MARCHF1: variants seen among roughly 807,000 people sequenced by gnomAD.
The protein encoded by MARCHF1 is E3 ubiquitin-protein ligase MARCHF1.
In MARCHF1, 40 loss-of-function variants were observed where a neutral mutation model predicts 54.2. That is an observed-to-expected ratio of 0.74 (90% confidence interval 0.57 to 0.96). The LOEUF is 0.96. MARCHF1 is among the 40% of genes least tolerant of loss of function. MARCHF1 has a pLI of 0.00. For synonymous variants in MARCHF1, 236 were observed against 236.3 expected, an observed-to-expected ratio of 1.00 and a Z score of 0.01; for missense variants, 586 against 656.5, an observed-to-expected ratio of 0.89 and a Z score of 1.17.
At chr4:163,935,472 C>G (rs573017793) in intron 3 of MARCHF1, among the ~76,000 whole-genome samples, 39 of 152,316 alleles carry the variant, frequency 2.6e-4, no homozygotes, top group African/African-American at 9.4e-4. Context: ...TCACCTTGCT[C>G]TTTATGTTAT....
At chr4:164,021,632 A>T (rs1293311087) in intron 2 of MARCHF1, among the ~76,000 whole-genome samples, 1 of 151,960 alleles carries the variant, frequency 6.6e-6, no homozygotes, top group African/African-American at 2.4e-5. Context: ...TTACATTTAT[A>T]TTTGAAAATA....
At chr4:164,345,604 AT>A (rs1730070848) in intron 1 of MARCHF1, among the ~76,000 whole-genome samples, 1 of 135,162 alleles carries the variant, frequency 7.4e-6, no homozygotes, top group Non-Finnish European at 1.5e-5. Flanking sequence ...AATAATAATA[AT>A]AATAATAATA....
At chr4:164,233,531 T>C (rs557874826) in intron 1 of MARCHF1, among the ~76,000 whole-genome samples, 1 of 152,272 alleles carries the variant, frequency 6.6e-6, no homozygotes, top group South Asian at 2.1e-4. Flanking sequence ...TTACCTCTCA[T>C]GACATACCAT....
At chr4:163,635,929 G>T (rs1047963723) in intron 5 of MARCHF1, among the ~76,000 whole-genome samples, 2 of 152,306 alleles carry the variant, frequency 1.3e-5, no homozygotes, top group South Asian at 2.1e-4. Context: ...GGGATGCAAG[G>T]TTGGTTCAAT....
At chr4:163,585,454 C>T (rs147392840) in intron 8 of MARCHF1, 2 of 190,062 alleles carry the variant, frequency 1.1e-5, no homozygotes, top group African/African-American at 4.6e-5. Flanking sequence ...ATTACAAGTG[C>T]ATTTTGCATG....
At chr4:163,572,177 G>A (rs1739861026) in intron 8 of MARCHF1, among the ~76,000 whole-genome samples, 1 of 151,870 alleles carries the variant, frequency 6.6e-6, no homozygotes, top group South Asian at 2.1e-4. Flanking sequence ...TTTCTTTATC[G>A]CTTAGGTCTT....
chr4:163,969,222 T>A (rs574610115), intron 3 of MARCHF1, among the ~76,000 whole-genome samples: 87 of 152,294 alleles, frequency 5.7e-4, no homozygotes, highest in African/African-American at 2.1e-3. Flanking sequence ...GCTGGTAAAC[T>A]CTATTTGCAT....
chr4:164,295,678 C>G (rs989870870), intron 1 of MARCHF1, among the ~76,000 whole-genome samples: 1 of 152,086 alleles, frequency 6.6e-6, no homozygotes, highest in African/African-American at 2.4e-5. Context: ...CTTTCTTTGC[C>G]TCTCAATTCT....
intron 5 of MARCHF1, among the ~76,000 whole-genome samples, chr4:163,645,681 CA>C (rs1474639106): frequency 6.6e-6 from 1 of 152,062 alleles, no homozygotes; most frequent in African/African-American, 2.4e-5. Context: ...CTGAAGAATA[CA>C]AAGACAGAAG....
chr4:163,539,481 G>A (rs545294031), intron 9 of MARCHF1, among the ~76,000 whole-genome samples: 2 of 152,242 alleles, frequency 1.3e-5, no homozygotes, highest in East Asian at 1.9e-4. Context: ...GTTATTATCT[G>A]TGTGATTTGA....
At chr4:164,134,593 G>A (rs1026486156) in intron 1 of MARCHF1, among the ~76,000 whole-genome samples, 1 of 151,796 alleles carries the variant, frequency 6.6e-6, no homozygotes, top group Non-Finnish European at 1.5e-5. Context: ...TCCTTCTGAC[G>A]TCACACTCGC....
chr4:164,059,203 G>A (rs1360147955), intron 2 of MARCHF1, among the ~76,000 whole-genome samples: 3 of 152,114 alleles, frequency 2.0e-5, no homozygotes, highest in South Asian at 2.1e-4. Context: ...CAGTGATTCC[G>A]GAGTAAATGA....
intron 4 of MARCHF1, among the ~76,000 whole-genome samples, chr4:163,715,849 T>C (rs1159144390): frequency 6.6e-6 from 1 of 152,226 alleles, no homozygotes; most frequent in Non-Finnish European, 1.5e-5. Context: ...AAAAACGTAA[T>C]GAATTTTCAA....
intron 4 of MARCHF1, among the ~76,000 whole-genome samples, chr4:163,773,228 G>A (rs1039518766): frequency 6.6e-6 from 1 of 152,108 alleles, no homozygotes; most frequent in African/African-American, 2.4e-5. Flanking sequence ...ACAGAAATGG[G>A]GAGAGGAGGA....
intron 7 of MARCHF1, among the ~76,000 whole-genome samples, chr4:163,608,596 C>T (rs1403454893): frequency 6.6e-6 from 1 of 152,040 alleles, no homozygotes; most frequent in Non-Finnish European, 1.5e-5. Flanking sequence ...TACTTTTCCA[C>T]TGCACTGTGG....
intron 1 of MARCHF1, among the ~76,000 whole-genome samples, chr4:164,310,146 C>T (rs1172885690): frequency 2.0e-5 from 3 of 151,968 alleles, no homozygotes; most frequent in Admixed American, 1.3e-4. Context: ...GGCGCCATCT[C>T]GGCTCACTGC....
intron 2 of MARCHF1, among the ~76,000 whole-genome samples, chr4:164,110,659 C>T (rs1269766216): frequency 6.7e-6 from 1 of 150,004 alleles, no homozygotes; most frequent in Admixed American, 6.7e-5. Context: ...TACTATGAGG[C>T]GATACAATCA....
intron 1 of MARCHF1, among the ~76,000 whole-genome samples, chr4:164,201,519 C>T (rs1731454679): frequency 6.6e-6 from 1 of 152,084 alleles, no homozygotes; most frequent in Non-Finnish European, 1.5e-5. Flanking sequence ...CGTGCCCGGC[C>T]AAGACTGATT....
chr4:163,961,801 G>A lies in MARCHF1; in HGVS notation c.-39+26700C>T, dbSNP rs1000983222. 7.9e-5 allele frequency among the ~76,000 whole-genome samples: 12 copies of A among 152,022 alleles called. 1 individual carries two copies. The South Asian group carries it at 2.5e-3, about 32-fold the overall frequency. On this transcript the variant is annotated intron_variant, in intron 3 of 9. Coordinates refer to ENST00000514618, the MANE Select transcript of MARCHF1 (RefSeq NM_001394959.1). ...GAAACACAGTGGGACTAAAGGCACT[G>A]ATGCTCTGAGGATAACTGCACTAAT...
Sources: allele counts gnomAD v4.1 joint callset (sites outside exome capture counted in the v4.1 genomes callset), GRCh38; gene constraint gnomAD v4.1.1; transcripts MANE v1.5; gene names NCBI Gene and HGNC (gene_info 2026-07-23, HGNC 2026-07-21).